Variants in PDK4 observed in about 807,000 individuals in gnomAD.
PDK4 encodes pyruvate dehydrogenase kinase, isozyme 4.
In PDK4, 43 loss-of-function variants were observed where a neutral mutation model predicts 51.7. The observed-to-expected ratio is 0.83, with a 90% CI of 0.65 to 1.07. The LOEUF (loss-of-function observed/expected upper bound fraction) is 1.07. Ranked by LOEUF, PDK4 falls within the 50% of genes least tolerant of loss-of-function variation. The pLI, the probability that PDK4 is intolerant of heterozygous loss-of-function variation, is 0.00. For missense variants in PDK4, 498 were observed against 503.5 expected (o/e 0.99, Z 0.10); for synonymous variants, 170 against 176.6 (o/e 0.96, Z 0.30).
intron 8 of PDK4, 96 bp from the exon 9 acceptor site, chr7:95,587,624 C>T: frequency 4.4e-6 from 5 of 1,131,392 alleles, no homozygotes; most frequent in Middle Eastern, 2.0e-4. Flanking sequence ...AATCACCTGG[C>T]ATATATGACT....
Position 95,585,225 on chromosome 7 carries a change from G to C in PDK4, c.*416C>G, listed in dbSNP as rs565162472. 1.5e-4 allele frequency: 23 copies of C among 154,992 alleles called. No individual in the cohort carries two copies. The South Asian group carries it at 4.8e-3, about 32-fold the overall frequency. 9.6% of individuals were successfully genotyped at this position (154,992 alleles called of 1,614,324 possible). A position where few individuals can be genotyped will look rare whatever the true frequency, so the allele number is the denominator to read the frequency against. Reference sequence around the variant, plus strand: ...AGTGTAAACTAAGTTTTAATCCTTTGCATGGCAGGAAAATGCTGGTATTCT... The same window carrying C: ...AGTGTAAACTAAGTTTTAATCCTTTCCATGGCAGGAAAATGCTGGTATTCT... On this transcript the variant is annotated 3_prime_UTR_variant, in exon 11 of 11. Coordinates refer to ENST00000005178, the MANE Select transcript of PDK4 (RefSeq NM_002612.4).
At position 95,587,292 on chromosome 7, in the gene PDK4, C is replaced by T. The variant is rs1328202929; in HGVS notation, c.981+126G>A. 17 of 731,546 alleles carry T rather than the reference C, an allele frequency of 2.3e-5. No individual in the cohort carries two copies. In the Admixed American group the frequency reaches 2.7e-4, roughly 12 times the overall value. 45.3% of individuals were successfully genotyped at this position (731,546 alleles called of 1,614,324 possible). The stretch of plus-strand genomic sequence containing the variant: ...ACCATTTTTAGCTTGCTTTATCATT[C>T]ATTCTTATATCCTTCATGTCTAATT... On this transcript the variant is annotated intron_variant, in intron 9 of 10. Coordinates refer to ENST00000005178, the MANE Select transcript of PDK4 (RefSeq NM_002612.4).
At chr7:95,592,636 T>C in intron 4 of PDK4, 39 bp from the exon 5 acceptor site, 1 of 1,473,756 alleles carries the variant, frequency 6.8e-7, no homozygotes, top group South Asian at 1.1e-5. Context: ...TGTTATAAAA[T>C]TCAGGATAAT....
Position 95,586,432 on chromosome 7 carries a change from A to G in PDK4, c.1095+578T>C, listed in dbSNP as rs545145613. On this transcript the variant is annotated intron_variant, in intron 10 of 10. Coordinates refer to ENST00000005178, the MANE Select transcript of PDK4 (RefSeq NM_002612.4). The stretch of plus-strand genomic sequence containing the variant: ...CTGGTCTAGAACCACTGAACTTGTG[A>G]TCCACCTGCCTCGGCCTCCCAAAGT... Among the ~76,000 whole-genome samples the G allele has an allele frequency of 3.1e-3, 472 of 152,150 alleles. 3 individuals are homozygous for G. Among genetic ancestry groups the G allele is most frequent in the African/African-American group, 0.01 (419 of 41,492 alleles).
At chr7:95,590,449 A>G (rs188492258) in intron 6 of PDK4, among the ~76,000 whole-genome samples, 51 of 149,990 alleles carry the variant, frequency 3.4e-4, no homozygotes, top group Admixed American at 3.2e-3. Context: ...AAATAAAATT[A>G]GAAAGAAAAG....
intron 1 of PDK4, 77 bp from the exon 2 acceptor site, chr7:95,595,241 A>G: frequency 1.1e-6 from 1 of 911,022 alleles, no homozygotes; most frequent in Non-Finnish European, 1.7e-6. Flanking sequence ...TAACTATCAA[A>G]TATTGAACAC....
chr7:95,595,804 C>T (rs1791611714), intron 1 of PDK4, among the ~76,000 whole-genome samples: 1 of 152,178 alleles, frequency 6.6e-6, no homozygotes, highest in Admixed American at 6.5e-5. Flanking sequence ...TATTCAGAAA[C>T]TTCTCCAAGC....
In PDK4 at chr7:95,585,458, T is replaced by C. The variant is rs1791468806; in HGVS notation, c.*183A>G. The C allele has an allele frequency of 2.2e-6, 1 of 459,182 alleles. No homozygotes were observed. Among genetic ancestry groups the C allele is most frequent in the Non-Finnish European group, 3.9e-6 (1 of 258,432 alleles). The allele number at this position is 459,182 out of a possible 1,614,324, so 28.4% of individuals were successfully genotyped here. A position where few individuals can be genotyped will look rare whatever the true frequency, so the allele number is the denominator to read the frequency against. On this transcript the variant is annotated 3_prime_UTR_variant, in exon 11 of 11. Transcript: ENST00000005178. Reference sequence around the variant, plus strand: ...TGGCCATCTGTTAACTCCTGTAGTCTTGCACTAAGTTCTCCTGGGTCACAG... The same window carrying C: ...TGGCCATCTGTTAACTCCTGTAGTCCTGCACTAAGTTCTCCTGGGTCACAG...
At chr7:95,591,881 C>T in intron 6 of PDK4, 107 bp downstream of exon 6, 1 of 627,220 alleles carries the variant, frequency 1.6e-6, no homozygotes, top group South Asian at 2.1e-5. Flanking sequence ...AAACTTTAGG[C>T]AAGAGAAAAA....
At chr7:95,586,186 G>A (rs1464252865) in intron 10 of PDK4, among the ~76,000 whole-genome samples, 2 of 133,092 alleles carry the variant, frequency 1.5e-5, no homozygotes, top group Non-Finnish European at 3.1e-5. Flanking sequence ...AGGAAAATAT[G>A]CACCAAGGTT....
chr7:95,587,338 T>C, intron 9 of PDK4, 80 bp downstream of exon 9: 2 of 894,646 alleles, frequency 2.2e-6, no homozygotes, highest in Non-Finnish European at 1.9e-6. Flanking sequence ...GATGAACTTG[T>C]CTAAATAATC....
chr7:95,589,936 T>C (rs1358452816), intron 6 of PDK4, among the ~76,000 whole-genome samples: 1 of 152,120 alleles, frequency 6.6e-6, no homozygotes, highest in Admixed American at 6.5e-5. Flanking sequence ...CTTTTGTTAA[T>C]TGTTTTTTTT....
At position 95,595,164 on chromosome 7, in the gene PDK4, C is replaced by T. The variant is rs1477017027; in HGVS notation, c.131G>A (p.Gly44Asp). The change falls in exon 2 of 11, where the codon GGT (glycine) becomes GAT (aspartate). Residue 44 changes from glycine (G) to aspartate (D), a missense_variant and splice_region_variant. By Grantham distance (94) the Gly-to-Asp change is moderately conservative. Transcript: ENST00000005178. ...AGTTCTTTCACATGCATTTTCTGAA[C>T]CTATAATAAATGAAATCAATTTAGT... is the stretch of plus-strand genomic sequence containing the variant. ...PLSMKQLLDF[G>D]SENACERTSF... The T allele has an allele frequency of 3.7e-6, 6 of 1,608,048 alleles. No homozygotes were observed. The highest frequency in any genetic ancestry group is 5.1e-6 in the Non-Finnish European group (6 of 1,175,262).
At chr7:95,589,886 G>A (rs534531557) in intron 6 of PDK4, among the ~76,000 whole-genome samples, 170 bp from the exon 7 acceptor site, 3 of 152,100 alleles carry the variant, frequency 2.0e-5, no homozygotes, top group African/African-American at 7.2e-5. Flanking sequence ...AATATTACTG[G>A]CTTATATTCA....
chr7:95,591,754 T>A (rs552657466), intron 6 of PDK4, among the ~76,000 whole-genome samples: 1 of 152,214 alleles, frequency 6.6e-6, no homozygotes, highest in Admixed American at 6.5e-5. Context: ...TTTAATCCCA[T>A]ATTATTTGTT....
rs1323990950 is a variant in PDK4 at position 95,587,048 on chromosome 7, A to C, written c.1057T>G (p.Leu353Val). Residue 353 changes from leucine to valine, a missense_variant, in exon 10 of 11, where the codon TTA becomes GTA. Physicochemically the swap from Leu to Val is conservative, Grantham distance 32 (BLOSUM62 1). Coordinates refer to ENST00000005178, the MANE Select transcript of PDK4 (RefSeq NM_002612.4). The stretch of plus-strand genomic sequence containing the variant: ...ATAGCATCTGTTCCATATCCTGATA[A>C]AGAGTAGAGATTCAGATCTCCTTGA... ...YFQGDLNLYS[L>V]SGYGTDAIIY... The C allele has an allele frequency of 2.5e-6, 4 of 1,609,890 alleles. No individual in the cohort carries two copies. The African/African-American group carries it at 4.0e-5, about 16-fold the overall frequency.
intron 3 of PDK4, 36 bp downstream of exon 3, chr7:95,593,663 A>C (rs1455963376): frequency 9.9e-7 from 1 of 1,006,792 alleles, no homozygotes; most frequent in Non-Finnish European, 1.6e-6. Flanking sequence ...GAAAGAACCA[A>C]AGTTTTAAAC....
Position 95,592,039 on chromosome 7 carries a change from A to G in PDK4, c.643T>C (p.Cys215Arg). ...GGAGATGATAAATAATACTGATCAC[A>G]GAGCATCCTTGAACACTCAAAGGCA... ...QDAFECSRML[C>R]DQYYLSSPEL... Residue 215 changes from cysteine (C) to arginine (R), a missense_variant, in exon 6 of 11, where the codon TGT (cysteine) becomes CGT (arginine). Coordinates refer to ENST00000005178, the MANE Select transcript of PDK4 (RefSeq NM_002612.4). 6.3e-7 allele frequency: 1 copy of G among 1,587,988 alleles called. No homozygotes were observed. Among genetic ancestry groups the G allele is most frequent in the Non-Finnish European group, 8.6e-7 (1 of 1,166,070 alleles).
chr7:95,595,380 A>G (rs1376528287), intron 1 of PDK4, among the ~76,000 whole-genome samples: 2 of 152,184 alleles, frequency 1.3e-5, no homozygotes, highest in Non-Finnish European at 2.9e-5. Context: ...TTAAAAAGTG[A>G]CAGATATAGG....
Sources: gnomAD v4.1 joint callset for allele counts (sites outside exome capture counted in the v4.1 genomes callset) on GRCh38, gnomAD v4.1.1 for gene constraint, MANE v1.5 for transcripts, NCBI Gene and HGNC (gene_info 2026-07-23, HGNC 2026-07-21) for gene names.